Variants in PMS1 observed in about 807,000 individuals in gnomAD.
PMS1 encodes the protein PMS1 protein homolog 1.
A neutral mutation model predicts 93.1 loss-of-function variants in PMS1; 79 were observed. The ratio of observed to expected loss-of-function variants is 0.85; its 90% CI spans 0.71 to 1.02. The LOEUF is 1.02. Among genes scored for constraint, PMS1 ranks in the 50% least tolerant of loss-of-function variants. The pLI is 0.00. For missense variants in PMS1, 1,064 were observed against 1,085.3 expected (o/e 0.98, Z 0.28); for synonymous variants, 335 against 363.4 (o/e 0.92, Z 0.89).
rs61756360 is a variant in PMS1, at chr2:189,795,860, C to T, written c.224C>T (p.Thr75Ile). 2,083 of 1,612,500 alleles carry T rather than the reference C, an allele frequency of 1.3e-3. 4 individuals are homozygous for T. The highest frequency in any genetic ancestry group is 1.6e-3 in the Non-Finnish European group (1,939 of 1,178,594). Residue 75 changes from threonine to isoleucine, a missense_variant, in exon 3 of 13, where the codon ACC (threonine) becomes ATC (isoleucine). Physicochemically the swap from Thr to Ile is moderately conservative, Grantham distance 89. Coordinates refer to ENST00000441310, the MANE Select transcript of PMS1 (RefSeq NM_000534.5). ...DAPVMAMKYY[T>I]SKINSHEDLE... ...CCTGTAATGGCAATGAAGTACTACA[C>T]CTCAAAAATAAATAGTCATGAAGAT...
At chr2:189,871,331 G>GA (rs927724473) in intron 11 of PMS1, among the ~76,000 whole-genome samples, 6 of 151,882 alleles carry the variant, frequency 4.0e-5, no homozygotes, top group Non-Finnish European at 5.9e-5. Flanking sequence ...AAAAATTGCA[G>GA]AAAAAATCTC....
At chr2:189,876,206 C>A (rs2057553825) in intron 12 of PMS1, among the ~76,000 whole-genome samples, 1 of 152,040 alleles carries the variant, frequency 6.6e-6, no homozygotes, top group Non-Finnish European at 1.5e-5. Flanking sequence ...GTAGAAGTTA[C>A]CTGCTGAGAG....
rs1365382006 is a variant in PMS1 at position 189,854,615 on chromosome 2, A to T, written c.1343A>T (p.Asn448Ile). 1 of 1,613,910 alleles carries T rather than the reference A, an allele frequency of 6.2e-7. No homozygotes were observed. The highest frequency in any genetic ancestry group is 8.5e-7 in the Non-Finnish European group (1 of 1,179,900). ...TCAATGAGTAATGTATCATGGGAGA[A>T]CTCTCAGACGGAATATAGTAAAACT... ...DISMSNVSWENSQTEYSKTCF... is the reference protein window; with the variant it reads ...DISMSNVSWEISQTEYSKTCF... Residue 448 changes from asparagine (N) to isoleucine (I), a missense_variant, in exon 9 of 13, where the codon AAC (asparagine) becomes ATC (isoleucine). Coordinates refer to ENST00000441310, the MANE Select transcript of PMS1 (RefSeq NM_000534.5).
chr2:189,864,331 TTAGTGG>T, intron 10 of PMS1, 103 bp downstream of exon 10: 1 of 846,730 alleles, frequency 1.2e-6, no homozygotes, highest in Non-Finnish European at 2.0e-6. Flanking sequence ...CTAGTAAGGA[TTAGTGG>T]TATTTATTTA....
At chr2:189,866,366 C>A (rs143922157) in intron 10 of PMS1, among the ~76,000 whole-genome samples, 37 of 152,110 alleles carry the variant, frequency 2.4e-4, no homozygotes, top group African/African-American at 8.2e-4. Flanking sequence ...AAAAAAAAAT[C>A]TTTCTTAATT....
chr2:189,805,226 C>G (rs758339422), intron 3 of PMS1, among the ~76,000 whole-genome samples: 1 of 151,666 alleles, frequency 6.6e-6, no homozygotes, highest in Non-Finnish European at 1.5e-5. Context: ...TGCAGTTTTA[C>G]ACATAATAAA....
intron 3 of PMS1, among the ~76,000 whole-genome samples, chr2:189,799,267 C>G (rs980699094): frequency 6.6e-6 from 1 of 152,104 alleles, no homozygotes; most frequent in African/African-American, 2.4e-5. Flanking sequence ...AAAATATTAA[C>G]AGTATTTTAT....
intron 5 of PMS1, among the ~76,000 whole-genome samples, chr2:189,833,563 A>T (rs1175867212): frequency 2.0e-5 from 3 of 151,950 alleles, no homozygotes; most frequent in African/African-American, 7.3e-5. Context: ...GCCTGGTGAC[A>T]GAGTGAGACT....
intron 5 of PMS1, among the ~76,000 whole-genome samples, chr2:189,833,448 G>A (rs2544056): frequency 0.018 from 2,694 of 152,202 alleles, 76 homozygotes; most frequent in African/African-American, 0.061. Context: ...TGGGCATGGT[G>A]GCACGCGCCT....
intron 5 of PMS1, among the ~76,000 whole-genome samples, chr2:189,824,001 A>G (rs1367688697): frequency 1.3e-5 from 2 of 152,224 alleles, no homozygotes; most frequent in Admixed American, 6.5e-5. Context: ...AAGTAAAACA[A>G]TTTAAATGTT....
At chr2:189,876,578 G>A (rs1310516059) in intron 12 of PMS1, among the ~76,000 whole-genome samples, 1 of 151,870 alleles carries the variant, frequency 6.6e-6, no homozygotes, top group East Asian at 1.9e-4. Flanking sequence ...GCTTTTCTTT[G>A]CCCATGATCT....
intron 1 of PMS1, 89 bp from the exon 2 acceptor site, chr2:189,791,701 A>G: frequency 1.2e-6 from 1 of 842,638 alleles, no homozygotes. Context: ...AGTGAAGATG[A>G]TCTATTTTCA....
At chr2:189,788,740 T>C (rs1364650633) in intron 1 of PMS1, among the ~76,000 whole-genome samples, 30 of 152,186 alleles carry the variant, frequency 2.0e-4, no homozygotes, top group Admixed American at 1.9e-3. Flanking sequence ...AAAATTGATA[T>C]GATTTTTATT....
chr2:189,877,008 C>T (rs1559342999), intron 12 of PMS1, among the ~76,000 whole-genome samples: 1 of 152,110 alleles, frequency 6.6e-6, no homozygotes. Flanking sequence ...TAATTTTACG[C>T]ATTATTTATT....
intron 5 of PMS1, among the ~76,000 whole-genome samples, chr2:189,827,913 G>A (rs1195584827): frequency 1.4e-5 from 2 of 143,620 alleles, no homozygotes; most frequent in African/African-American, 2.7e-5. Flanking sequence ...GAAAAATAAG[G>A]TTTTGTTTGT....
intron 4 of PMS1, among the ~76,000 whole-genome samples, chr2:189,807,670 C>T (rs1338104883): frequency 6.6e-6 from 1 of 152,232 alleles, no homozygotes; most frequent in Non-Finnish European, 1.5e-5. Flanking sequence ...GATATGGAAT[C>T]CATCTGATCT....
chr2:189,805,920 A>G (rs1033517112), intron 4 of PMS1, 166 bp downstream of exon 4: 2 of 1,520,800 alleles, frequency 1.3e-6, no homozygotes, highest in South Asian at 1.3e-5. Context: ...CTAGCCACCA[A>G]TTTCTTAAAT....
chr2:189,817,711 T>G (rs1180405639), intron 4 of PMS1, among the ~76,000 whole-genome samples: 2 of 152,220 alleles, frequency 1.3e-5, no homozygotes, highest in Non-Finnish European at 2.9e-5. Flanking sequence ...TCCCAGGTAG[T>G]TTGAGCACAG....
intron 5 of PMS1, among the ~76,000 whole-genome samples, chr2:189,841,406 C>A (rs1357589861): frequency 6.6e-6 from 1 of 152,120 alleles, no homozygotes; most frequent in Non-Finnish European, 1.5e-5. Flanking sequence ...GTAGTTGTTA[C>A]ACTATCTCTG....
Sources: allele counts gnomAD v4.1 joint callset (sites outside exome capture counted in the v4.1 genomes callset), GRCh38; gene constraint gnomAD v4.1.1; transcripts MANE v1.5; gene names NCBI Gene and HGNC (gene_info 2026-07-23, HGNC 2026-07-21).